TMCC1: variants seen among roughly 807,000 people sequenced by gnomAD.
The protein encoded by TMCC1 is transmembrane and coiled-coil domains protein 1.
In TMCC1, 15 loss-of-function variants were observed where a neutral mutation model predicts 52.4. The observed-to-expected ratio is 0.29, with a 90% CI of 0.19 to 0.44. The LOEUF (loss-of-function observed/expected upper bound fraction) is 0.44. Ranked by LOEUF, TMCC1 falls within the 20% of genes least tolerant of loss-of-function variation. The probability of loss-of-function intolerance (pLI) is 1.00; values close to 1 mark genes in which losing one functional copy is unlikely to be tolerated. For missense variants in TMCC1, 503 were observed against 806.0 expected (o/e 0.62, Z 4.55); for synonymous variants, 279 against 301.9 (o/e 0.92, Z 0.79).
At chr3:129,752,773 T>C (rs969821619) in intron 4 of TMCC1, among the ~76,000 whole-genome samples, 1 of 152,152 alleles carries the variant, frequency 6.6e-6, no homozygotes, top group African/African-American at 2.4e-5. Flanking sequence ...TAGCCCGTTC[T>C]CACACTGCTA....
At chr3:129,662,546 G>A (rs1001703431) in intron 5 of TMCC1, among the ~76,000 whole-genome samples, 14 of 152,154 alleles carry the variant, frequency 9.2e-5, no homozygotes, top group Non-Finnish European at 1.9e-4. Context: ...GCTGAGGCAC[G>A]ACAATTGCTT....
chr3:129,771,857 G>C (rs564421018), intron 4 of TMCC1, among the ~76,000 whole-genome samples: 2 of 150,644 alleles, frequency 1.3e-5, no homozygotes, highest in African/African-American at 2.4e-5. Context: ...TGGAATTTGG[G>C]AAAGCTGAAG....
intron 4 of TMCC1, among the ~76,000 whole-genome samples, chr3:129,687,851 C>T (rs1250787650): frequency 1.3e-5 from 2 of 152,198 alleles, no homozygotes; most frequent in Non-Finnish European, 2.9e-5. Flanking sequence ...TTTTCCTTCT[C>T]CCGCTTCAGA....
intron 4 of TMCC1, among the ~76,000 whole-genome samples, chr3:129,723,008 A>G (rs1246337748): frequency 1.3e-5 from 2 of 152,254 alleles, no homozygotes; most frequent in Admixed American, 1.3e-4. Context: ...TTAACTTCAG[A>G]ATCAGGCAAA....
intron 4 of TMCC1, among the ~76,000 whole-genome samples, chr3:129,815,463 C>A (rs1029924664): frequency 3.3e-5 from 5 of 152,076 alleles, no homozygotes; most frequent in Admixed American, 2.0e-4. Context: ...ATAGCCAACC[C>A]ATTTTCAACA....
chr3:129,833,386 C>T (rs557864142), intron 2 of TMCC1, among the ~76,000 whole-genome samples: 1 of 152,158 alleles, frequency 6.6e-6, no homozygotes, highest in East Asian at 1.9e-4. Context: ...GCCTGGGCAA[C>T]AGTGACACCC....
At chr3:129,860,532 G>T (rs946170710) in intron 2 of TMCC1, among the ~76,000 whole-genome samples, 1 of 152,030 alleles carries the variant, frequency 6.6e-6, no homozygotes, top group African/African-American at 2.4e-5. Flanking sequence ...GATTACCACT[G>T]AAAATTATCA....
rs569293771 is a variant in TMCC1, at chr3:129,694,516, T to C, written c.577-23252A>G. Among the ~76,000 whole-genome samples, 12 of 152,320 alleles carry C rather than the reference T, an allele frequency of 7.9e-5. No homozygotes were observed. The South Asian group carries it at 2.3e-3, about 29-fold the overall frequency. On this transcript the variant is annotated intron_variant, in intron 4 of 6. Transcript: ENST00000393238. ...AGGTATTCTTAGTCACAAGATGAGA[T>C]AGGAGGTCACCATGAGATACAGGTC...
At chr3:129,868,559 C>A (rs758264323) in intron 2 of TMCC1, among the ~76,000 whole-genome samples, 1 of 152,228 alleles carries the variant, frequency 6.6e-6, no homozygotes, top group Middle Eastern at 3.2e-3. Context: ...CTGCCTTAGT[C>A]TCCCAAGGAG....
chr3:129,687,290 T>C (rs562412750), intron 4 of TMCC1, among the ~76,000 whole-genome samples: 1 of 152,284 alleles, frequency 6.6e-6, no homozygotes, highest in Admixed American at 6.5e-5. Context: ...AAGTAAACTT[T>C]AATGTTTAGA....
chr3:129,684,513 C>G (rs553459909), intron 4 of TMCC1, among the ~76,000 whole-genome samples: 1 of 152,124 alleles, frequency 6.6e-6, no homozygotes, highest in Non-Finnish European at 1.5e-5. Flanking sequence ...ATCTTAAATG[C>G]CAACAATGAC....
chr3:129,691,273 C>T (rs1035661711), intron 4 of TMCC1, among the ~76,000 whole-genome samples: 4 of 152,164 alleles, frequency 2.6e-5, no homozygotes, highest in Admixed American at 2.6e-4. Context: ...TCTGGCTCTG[C>T]GTGGTGGCTC....
intron 4 of TMCC1, among the ~76,000 whole-genome samples, chr3:129,680,982 T>G (rs539354465): frequency 2.6e-5 from 4 of 152,246 alleles, no homozygotes; most frequent in African/African-American, 4.8e-5. Flanking sequence ...TAAAATTTAT[T>G]AACTATGTAT....
intron 2 of TMCC1, among the ~76,000 whole-genome samples, chr3:129,870,724 G>A (rs1249030196): frequency 3.7e-4 from 7 of 18,874 alleles, no homozygotes; most frequent in African/African-American, 1.4e-3. Context: ...TTGGCGGGGG[G>A]GGGGGGGGGG....
intron 4 of TMCC1, among the ~76,000 whole-genome samples, chr3:129,695,701 A>C (rs2047367692): frequency 6.6e-6 from 1 of 152,140 alleles, no homozygotes; most frequent in Admixed American, 6.5e-5. Flanking sequence ...TGGGAACTAC[A>C]ATTCGAGATT....
rs1009776587 is a variant in TMCC1, at chr3:129,747,033, T to C, written c.577-75769A>G. Among the ~76,000 whole-genome samples the C allele has an allele frequency of 1.1e-4, 16 of 152,342 alleles. No individual in the cohort carries two copies. The East Asian group carries it at 2.9e-3, about 28-fold the overall frequency. ...GCTGTGAAAATGAATCAATGTATAA[T>C]AGTACTTTTTCTTCTAGGCATTAAA... On this transcript the variant is annotated intron_variant, in intron 4 of 6. Coordinates refer to ENST00000393238, the MANE Select transcript of TMCC1 (RefSeq NM_001017395.5).
chr3:129,843,418 T>C lies in TMCC1; in HGVS notation c.-183-10592A>G, dbSNP rs554077772. Among the ~76,000 whole-genome samples the C allele has an allele frequency of 4.0e-5, 6 of 151,870 alleles. No individual in the cohort carries two copies. The South Asian group carries it at 1.2e-3, about 32-fold the overall frequency. ...CAAAACTGACAAAAGAAACACAATG[T>C]AGAAAAACCAATGAAAGCAAAAGCT... On this transcript the variant is annotated intron_variant, in intron 2 of 6. Transcript: ENST00000393238.
chr3:129,673,922 G>GC (rs1418646443), intron 4 of TMCC1, among the ~76,000 whole-genome samples: 3 of 152,034 alleles, frequency 2.0e-5, no homozygotes, highest in African/African-American at 7.2e-5. Context: ...ATATACAACA[G>GC]TGGTTCCATA....
intron 4 of TMCC1, among the ~76,000 whole-genome samples, chr3:129,690,159 G>A (rs1046958918): frequency 5.9e-5 from 9 of 152,086 alleles, no homozygotes; most frequent in African/African-American, 1.7e-4. Flanking sequence ...ATATGTACAA[G>A]TATTTTGTTA....
Sources: allele counts gnomAD v4.1 joint callset (sites outside exome capture counted in the v4.1 genomes callset), GRCh38; gene constraint gnomAD v4.1.1; transcripts MANE v1.5; gene names NCBI Gene and HGNC (gene_info 2026-07-23, HGNC 2026-07-21).